Variants in ATP8A2 observed in about 807,000 individuals in gnomAD.
The protein encoded by ATP8A2 is phospholipid-transporting ATPase IB.
ATP8A2 carries 100 observed loss-of-function variants against 165.6 expected under a neutral mutation model. That is an observed-to-expected ratio of 0.60 (90% CI 0.51 to 0.71). The LOEUF (loss-of-function observed/expected upper bound fraction) is 0.71, where lower values mean the gene tolerates loss of function less well. ATP8A2 is among the 30% of genes least tolerant of loss of function. The pLI is 0.00. For missense variants in ATP8A2, 1,227 were observed against 1,479.5 expected (o/e 0.83, Z 2.80); for synonymous variants, 543 against 548.8 (o/e 0.99, Z 0.15).
rs903002061 is a variant in ATP8A2 at position 26,025,551 on chromosome 13, T to TG, written c.*5571dup. 1 of 152,328 alleles carries TG rather than the reference T, an allele frequency of 6.6e-6. No homozygotes were observed. Among genetic ancestry groups the TG allele is most frequent in the African/African-American group, 2.4e-5 (1 of 41,462 alleles). 9.4% of individuals were successfully genotyped at this position (152,328 alleles called of 1,614,324 possible). On this transcript the variant is annotated 3_prime_UTR_variant, in exon 37 of 37. Coordinates refer to ENST00000381655, the MANE Select transcript of ATP8A2 (RefSeq NM_016529.6). ...GGTGATGCAGAGGGAAGCAGGGCTG[T>TG]GGGGGCACGTTTAATTGGCTCCCAG...
intron 2 of ATP8A2, among the ~76,000 whole-genome samples, chr13:25,484,479 A>G (rs765226799): frequency 1.4e-4 from 21 of 152,102 alleles, no homozygotes; most frequent in Non-Finnish European, 2.5e-4. Context: ...TGTAGATTCA[A>G]TGATATAAAG....
At chr13:25,517,918 G>T (rs1053904117) in intron 2 of ATP8A2, among the ~76,000 whole-genome samples, 1 of 152,200 alleles carries the variant, frequency 6.6e-6, no homozygotes, top group Non-Finnish European at 1.5e-5. Flanking sequence ...TTATCAGTGG[G>T]AATTCTTGGA....
rs1955421006 is a variant in ATP8A2 at position 25,953,275 on chromosome 13, ACT to A, written c.3184-8295_3184-8294del. Among the ~76,000 whole-genome samples the A allele has an allele frequency of 3.3e-5, 5 of 151,638 alleles. No individual in the cohort carries two copies. Among genetic ancestry groups the A allele is most frequent in the Admixed American group, 3.3e-4 (5 of 15,212 alleles). ...GGCCAACCAGCATCTTGAGGACTCAACTCTCTGGCTGCAGGTGCTGTGGGGAA... is the reference window on the plus strand; with the variant it reads ...GGCCAACCAGCATCTTGAGGACTCAACTCTGGCTGCAGGTGCTGTGGGGAA... On this transcript the variant is annotated intron_variant, in intron 33 of 36. Coordinates refer to ENST00000381655, the MANE Select transcript of ATP8A2 (RefSeq NM_016529.6). This position sits in a 1 kb window ranked among gnomAD's most constrained non-coding sequence, Gnocchi z 6.7.
intron 1 of ATP8A2, among the ~76,000 whole-genome samples, chr13:25,401,108 GT>G (rs1054546565): frequency 5.3e-5 from 8 of 152,132 alleles, no homozygotes; most frequent in African/African-American, 1.9e-4. Flanking sequence ...CAGATGTGCA[GT>G]GAGTGTGCGG....
intron 25 of ATP8A2, among the ~76,000 whole-genome samples, chr13:25,706,036 A>G (rs1405697329): frequency 6.6e-6 from 1 of 152,238 alleles, no homozygotes; most frequent in East Asian, 1.9e-4. Flanking sequence ...AGGATAAGCA[A>G]CATAGAAACT....
intron 33 of ATP8A2, among the ~76,000 whole-genome samples, chr13:25,946,660 A>G (rs1955222030): frequency 6.6e-6 from 1 of 152,364 alleles, no homozygotes; most frequent in South Asian, 2.1e-4. Flanking sequence ...CTGTGGCATT[A>G]CATCTCAAAA....
intron 1 of ATP8A2, among the ~76,000 whole-genome samples, chr13:25,453,318 G>A (rs905502015): frequency 3.3e-5 from 5 of 151,778 alleles, no homozygotes; most frequent in Non-Finnish European, 5.9e-5. Flanking sequence ...GTAAAGAGGG[G>A]TTTCCTTACG....
chr13:25,577,284 T>C (rs2039646593), intron 20 of ATP8A2, 146 bp downstream of exon 20: 1 of 716,672 alleles, frequency 1.4e-6, no homozygotes, highest in Admixed American at 2.4e-5. Context: ...GTTGACTTAG[T>C]AGTAAAAGCC....
chr13:25,660,842 T>C (rs2042035132), intron 24 of ATP8A2, among the ~76,000 whole-genome samples: 1 of 152,122 alleles, frequency 6.6e-6, no homozygotes. Flanking sequence ...GGGATCCCGG[T>C]TACCCCAAAA....
rs1287763465 is a variant in ATP8A2, at chr13:25,556,444, A to AT, written c.1263+1383dup. Among the ~76,000 whole-genome samples, 3 of 151,306 alleles carry AT rather than the reference A, an allele frequency of 2.0e-5. No homozygotes were observed. The East Asian group carries it at 5.9e-4, about 30-fold the overall frequency. On this transcript the variant is annotated intron_variant, in intron 13 of 36. Coordinates refer to ENST00000381655, the MANE Select transcript of ATP8A2 (RefSeq NM_016529.6). The stretch of plus-strand genomic sequence containing the variant: ...GAATGTCTGTTCATGTCTTTTGCTC[A>AT]TTTTTTTAATGGGGTTGTTTGGTTT...
chr13:25,457,181 C>A lies in ATP8A2; in HGVS notation c.77-11796C>A, dbSNP rs189079486. 2.6e-4 allele frequency among the ~76,000 whole-genome samples: 40 copies of A among 152,278 alleles called. No individual in the cohort carries two copies. The East Asian group carries it at 5.4e-3, about 21-fold the overall frequency. Reference sequence around the variant, plus strand: ...CACCCAGTACCATCACTGCTACCACCGCTAAAGCCTGTGAGTCTGGAATGG... The same window carrying A: ...CACCCAGTACCATCACTGCTACCACAGCTAAAGCCTGTGAGTCTGGAATGG... On this transcript the variant is annotated intron_variant, in intron 1 of 36. Coordinates refer to ENST00000381655, the MANE Select transcript of ATP8A2 (RefSeq NM_016529.6).
chr13:25,773,249 G>T (rs1171288817), intron 26 of ATP8A2, among the ~76,000 whole-genome samples: 1 of 152,104 alleles, frequency 6.6e-6, no homozygotes, highest in African/African-American at 2.4e-5. Flanking sequence ...TCATGCAAGG[G>T]AACTAAGAGG....
intron 24 of ATP8A2, among the ~76,000 whole-genome samples, chr13:25,688,864 A>C (rs2042662340): frequency 6.6e-6 from 1 of 151,172 alleles, no homozygotes; most frequent in South Asian, 2.1e-4. Flanking sequence ...CTGTGCTCCC[A>C]TTTTCGTCCT....
At chr13:25,698,965 T>C (rs2137909903) in intron 24 of ATP8A2, among the ~76,000 whole-genome samples, 1 of 152,276 alleles carries the variant, frequency 6.6e-6, no homozygotes, top group East Asian at 1.9e-4. Flanking sequence ...TTCTAACAGA[T>C]CTCACTATGA....
intron 24 of ATP8A2, among the ~76,000 whole-genome samples, chr13:25,668,329 C>A (rs1456724352): frequency 6.6e-6 from 1 of 151,766 alleles, no homozygotes; most frequent in Non-Finnish European, 1.5e-5. Flanking sequence ...TTTCTTTCAG[C>A]TTTTTAAATA....
At chr13:25,825,145 C>CTTT (rs60778003) in intron 27 of ATP8A2, among the ~76,000 whole-genome samples, 4 of 27,508 alleles carry the variant, frequency 1.5e-4, no homozygotes, top group Non-Finnish European at 1.9e-4. Flanking sequence ...TATGTGTTTG[C>CTTT]TTTTTTTTTT....
At chr13:25,774,375 C>T (rs1322840126) in intron 26 of ATP8A2, among the ~76,000 whole-genome samples, 1 of 152,044 alleles carries the variant, frequency 6.6e-6, no homozygotes, top group East Asian at 1.9e-4. Flanking sequence ...CACATGGACA[C>T]AGGGAGGGGA....
intron 2 of ATP8A2, among the ~76,000 whole-genome samples, chr13:25,500,422 TA>T (rs532833010): frequency 2.7e-3 from 416 of 152,320 alleles, no homozygotes; most frequent in Middle Eastern, 6.8e-3. Context: ...TTAAATGTCT[TA>T]GTCAATTAAA....
intron 24 of ATP8A2, among the ~76,000 whole-genome samples, chr13:25,636,654 C>T (rs2041374883): frequency 2.0e-5 from 3 of 152,104 alleles, no homozygotes; most frequent in Admixed American, 1.3e-4. Context: ...TTTGGTTCCA[C>T]CTGCTCTTCC....
Sources: allele counts gnomAD v4.1 joint callset (sites outside exome capture counted in the v4.1 genomes callset), GRCh38; gene constraint gnomAD v4.1.1; non-coding constraint Gnocchi (gnomAD v3.1); transcripts MANE v1.5; gene names NCBI Gene and HGNC (gene_info 2026-07-23, HGNC 2026-07-21).